CNTNAP3B: variants seen among roughly 807,000 people sequenced by gnomAD.
CNTNAP3B encodes the protein contactin-associated protein-like 3B.
In CNTNAP3B, 25 loss-of-function variants were observed where a neutral mutation model predicts 108.9. The observed-to-expected ratio is 0.23, with a 90% CI of 0.17 to 0.32. The LOEUF (loss-of-function observed/expected upper bound fraction) is 0.32. Ranked by LOEUF, CNTNAP3B falls within the 10% of genes least tolerant of loss-of-function variation. The pLI is 1.00. For missense variants in CNTNAP3B, 252 were observed against 1,210.4 expected, an observed-to-expected ratio of 0.21 and a Z score of 11.75; for synonymous variants, 103 against 473.4, an observed-to-expected ratio of 0.22 and a Z score of 10.16.
At chr9:41,937,114 TTTA>T (rs373324080) in intron 14 of CNTNAP3B, among the ~76,000 whole-genome samples, 122 of 141,442 alleles carry the variant, frequency 8.6e-4, no homozygotes, top group African/African-American at 2.5e-3. Context: ...TATTTATTAA[TTTA>T]TTATTATTAT....
At chr9:42,030,813 G>GGTGT (rs1554751524) in intron 3 of CNTNAP3B, among the ~76,000 whole-genome samples, 1 of 65,748 alleles carries the variant, frequency 1.5e-5, no homozygotes, top group African/African-American at 7.9e-5. Context: ...GAGAGAGAGA[G>GGTGT]GAGAGAGAGA....
chr9:41,959,699 C>A (rs1435647776), intron 12 of CNTNAP3B, among the ~76,000 whole-genome samples: 1 of 152,312 alleles, frequency 6.6e-6, no homozygotes, highest in Non-Finnish European at 1.5e-5. Context: ...CTGAACATCC[C>A]CTGTAAAGTT....
At chr9:42,108,678 G>T (rs1258532401) in intron 1 of CNTNAP3B, among the ~76,000 whole-genome samples, 1 of 127,606 alleles carries the variant, frequency 7.8e-6, no homozygotes, top group Non-Finnish European at 1.6e-5. Flanking sequence ...AGGGTTTTTG[G>T]CTTGCTGCAC....
intron 16 of CNTNAP3B, among the ~76,000 whole-genome samples, chr9:41,923,703 A>C (rs1368228941): frequency 1.3e-5 from 2 of 152,304 alleles, no homozygotes; most frequent in African/African-American, 4.8e-5. Context: ...CTGAGGTTGC[A>C]GTGAGCCAAG....
intron 10 of CNTNAP3B, among the ~76,000 whole-genome samples, chr9:41,967,020 C>T (rs1825299732): frequency 6.7e-6 from 1 of 150,074 alleles, no homozygotes; most frequent in South Asian, 2.1e-4. Flanking sequence ...TTATTTGTGA[C>T]TCTGTCATCC....
intron 14 of CNTNAP3B, among the ~76,000 whole-genome samples, chr9:41,930,258 A>T (rs1413790655): frequency 6.6e-6 from 1 of 152,216 alleles, no homozygotes; most frequent in African/African-American, 2.4e-5. Flanking sequence ...GGCAACAAAC[A>T]CAGGCCGGGC....
In CNTNAP3B at chr9:41,934,138, TATACAC is replaced by T. The variant is rs1824076265; in HGVS notation, c.2237+4100_2237+4105del. Among the ~76,000 whole-genome samples the T allele has an allele frequency of 1.3e-4, 18 of 135,504 alleles. 1 individual carries two copies. The highest frequency in any genetic ancestry group is 3.8e-4 in the Admixed American group (5 of 13,002). The allele number at this position is 135,504 out of a possible 152,430, so 88.9% of individuals were successfully genotyped here. A position where few individuals can be genotyped will look rare whatever the true frequency, so the allele number is the denominator to read the frequency against. On this transcript the variant is annotated intron_variant, in intron 14 of 23. Coordinates refer to ENST00000377561, the MANE Select transcript of CNTNAP3B (RefSeq NM_001201380.3). ...ATATATATATACACACACATATATA[TATACAC>T]ACACATATATATACACACACACACA...
At chr9:42,063,340 TG>T (rs2118574595) in intron 3 of CNTNAP3B, among the ~76,000 whole-genome samples, 1 of 133,588 alleles carries the variant, frequency 7.5e-6, no homozygotes, top group Non-Finnish European at 1.6e-5. Flanking sequence ...TGTTATGTTT[TG>T]TTTTTTTCCT....
At chr9:42,095,440 G>A (rs1827880681) in intron 2 of CNTNAP3B, among the ~76,000 whole-genome samples, 2 of 139,226 alleles carry the variant, frequency 1.4e-5, no homozygotes, top group Admixed American at 7.1e-5. Context: ...TTTGGTGCAA[G>A]CATTCTGCAT....
intron 15 of CNTNAP3B, among the ~76,000 whole-genome samples, chr9:41,926,443 T>A (rs1415475072): frequency 1.3e-5 from 2 of 152,304 alleles, no homozygotes; most frequent in African/African-American, 4.8e-5. Flanking sequence ...TTTATTTTTC[T>A]TTCTTTCTTC....
At chr9:42,041,936 G>A (rs1208721270) in intron 3 of CNTNAP3B, among the ~76,000 whole-genome samples, 3 of 139,490 alleles carry the variant, frequency 2.2e-5, no homozygotes, top group Non-Finnish European at 4.6e-5. Flanking sequence ...GTCCTTTGTA[G>A]GGACATGGAT....
intron 13 of CNTNAP3B, among the ~76,000 whole-genome samples, chr9:41,941,035 C>G (rs532853406): frequency 6.7e-6 from 1 of 150,344 alleles, no homozygotes; most frequent in East Asian, 1.9e-4. Context: ...TGATAATTGA[C>G]ACAAAAACTG....
chr9:41,924,678 C>CACACACACACACACACACAT (rs1823763449), intron 15 of CNTNAP3B, among the ~76,000 whole-genome samples: 17 of 124,528 alleles, frequency 1.4e-4, no homozygotes, highest in Admixed American at 2.3e-4. Context: ...CACACACACA[C>CACACACACACACACACACAT]ACACACACAC....
chr9:42,125,757 C>G (rs1228281769), intron 1 of CNTNAP3B, among the ~76,000 whole-genome samples: 1 of 131,006 alleles, frequency 7.6e-6, no homozygotes, highest in African/African-American at 3.1e-5. Context: ...TGCCTCCTCA[C>G]AGGCACCTGC....
At chr9:42,076,450 A>G (rs1052053673) in intron 3 of CNTNAP3B, among the ~76,000 whole-genome samples, 1 of 129,222 alleles carries the variant, frequency 7.7e-6, no homozygotes, top group African/African-American at 3.1e-5. Flanking sequence ...AAAAAACAAG[A>G]AAAACTAAAT....
In CNTNAP3B at chr9:42,029,569, C is replaced by T. The variant is rs1348315296; in HGVS notation, c.391-16044G>A. On this transcript the variant is annotated intron_variant, in intron 3 of 23. Transcript: ENST00000377561. ...TTTTTCAGATGGAGTCTTGCTCTGT[C>T]GCCCAGGCTGGAGTGCAGTGGTGCA... Among the ~76,000 whole-genome samples the T allele has an allele frequency of 4.2e-5, 5 of 119,256 alleles. 1 individual carries two copies. The highest frequency in any genetic ancestry group is 2.8e-4 in the East Asian group (1 of 3,558). The allele number at this position is 119,256 out of a possible 152,430, so 78.2% of individuals were successfully genotyped here.
intron 14 of CNTNAP3B, among the ~76,000 whole-genome samples, chr9:41,933,700 A>G (rs1230727667): frequency 2.0e-5 from 3 of 152,274 alleles, no homozygotes; most frequent in Admixed American, 1.3e-4. Context: ...AGGCAATCAT[A>G]TTATCTACAA....
At chr9:41,969,579 C>T (rs1825381519) in intron 10 of CNTNAP3B, among the ~76,000 whole-genome samples, 1 of 151,874 alleles carries the variant, frequency 6.6e-6, no homozygotes, top group African/African-American at 2.4e-5. Context: ...TAATAAAATA[C>T]TATCATTTAA....
chr9:42,113,315 C>A (rs1280875335), intron 1 of CNTNAP3B, among the ~76,000 whole-genome samples: 1 of 137,284 alleles, frequency 7.3e-6, no homozygotes, highest in Non-Finnish European at 1.5e-5. Flanking sequence ...GATAGATGAT[C>A]TTGTTCTCTT....
Sources: gnomAD v4.1 joint callset for allele counts (sites outside exome capture counted in the v4.1 genomes callset) on GRCh38, gnomAD v4.1.1 for gene constraint, MANE v1.5 for transcripts, NCBI Gene and HGNC (gene_info 2026-07-23, HGNC 2026-07-21) for gene names.